Variants in MGAT4C observed in about 807,000 individuals in gnomAD.
The protein encoded by MGAT4C is MGAT4 family member C, also known as alpha-1,3-mannosyl-glycoprotein 4-beta-N-acetylglucosaminyltransferase C.
A neutral mutation model predicts 40.1 loss-of-function variants in MGAT4C; 19 were observed. The observed-to-expected ratio is 0.47, with a 90% CI of 0.33 to 0.70. The LOEUF is 0.70. Among genes scored for constraint, MGAT4C ranks in the 30% least tolerant of loss-of-function variants. The pLI is 0.02. For synonymous variants in MGAT4C, 181 were observed against 187.1 expected, an observed-to-expected ratio of 0.97 and a Z score of 0.27; for missense variants, 491 against 563.2, an observed-to-expected ratio of 0.87 and a Z score of 1.30.
chr12:86,265,067 G>C (rs988096445), intron 4 of MGAT4C, among the ~76,000 whole-genome samples: 1 of 152,134 alleles, frequency 6.6e-6, no homozygotes, highest in Admixed American at 6.5e-5. Context: ...GCCTCACAGG[G>C]AGCCGGCACC....
chr12:86,829,740 G>T (rs1952882458), intron 1 of MGAT4C, among the ~76,000 whole-genome samples: 1 of 150,872 alleles, frequency 6.6e-6, no homozygotes, highest in East Asian at 2.0e-4. Context: ...TTATACTGGA[G>T]AAAGAAAATT....
chr12:86,085,218 T>A (rs970710677), intron 1 of MGAT4C, among the ~76,000 whole-genome samples: 1 of 152,136 alleles, frequency 6.6e-6, no homozygotes, highest in Non-Finnish European at 1.5e-5. Context: ...TTAGATCCCA[T>A]TTGTCAAGTT....
rs535178074 is a variant in MGAT4C at position 86,272,802 on chromosome 12, G to GTGA, written c.-57+61260_-57+61262dup. ...TGGGAGGTCGAAGCTACAGTAAGCA[G>GTGA]TGATCATGCCAACACACTCCAGCCT... On this transcript the variant is annotated intron_variant, in intron 4 of 7. Transcript: ENST00000548651. 1.3e-4 allele frequency among the ~76,000 whole-genome samples: 20 copies of GTGA among 152,190 alleles called. No homozygotes were observed. The South Asian group carries it at 4.1e-3, about 32-fold the overall frequency.
At chr12:86,490,969 C>T (rs1238860270) in intron 2 of MGAT4C, among the ~76,000 whole-genome samples, 1 of 152,056 alleles carries the variant, frequency 6.6e-6, no homozygotes, top group Non-Finnish European at 1.5e-5. Flanking sequence ...TAATGGGAGA[C>T]CTTAACACCC....
At chr12:86,706,143 G>T (rs1950452572) in intron 2 of MGAT4C, among the ~76,000 whole-genome samples, 1 of 152,134 alleles carries the variant, frequency 6.6e-6, no homozygotes, top group Non-Finnish European at 1.5e-5. Flanking sequence ...ATATGTGCTT[G>T]CTGTGATGAT....
Position 86,219,373 on chromosome 12 carries a change from TC to T in MGAT4C, c.-57+36865del, listed in dbSNP as rs1240378186. On this transcript the variant is annotated intron_variant, in intron 1 of 4. Transcript: ENST00000611864. ...AAAATGATGAGGTGACTGTTCTAAA[TC>T]TAAAATTGTTCATAACCTATGTCTG... Among the ~76,000 whole-genome samples the T allele has an allele frequency of 1.7e-4, 26 of 151,094 alleles. 1 individual carries two copies. The South Asian group carries it at 4.8e-3, about 28-fold the overall frequency.
intron 2 of MGAT4C, among the ~76,000 whole-genome samples, chr12:86,491,648 A>C (rs1223607201): frequency 6.6e-6 from 1 of 151,906 alleles, no homozygotes; most frequent in Non-Finnish European, 1.5e-5. Flanking sequence ...ATGTATCTCA[A>C]AATAATAAGA....
chr12:86,146,660 G>A (rs746391236), intron 1 of MGAT4C, among the ~76,000 whole-genome samples: 4 of 151,758 alleles, frequency 2.6e-5, no homozygotes, highest in Non-Finnish European at 5.9e-5. Context: ...TTTCTTGAAA[G>A]CTTCTCTTCC....
chr12:86,276,613 C>G (rs1953087092), intron 4 of MGAT4C, among the ~76,000 whole-genome samples: 1 of 152,128 alleles, frequency 6.6e-6, no homozygotes, highest in Non-Finnish European at 1.5e-5. Context: ...GGAAACCATC[C>G]TTCTACTTTC....
intron 4 of MGAT4C, among the ~76,000 whole-genome samples, chr12:86,331,918 G>C (rs1954678026): frequency 6.6e-6 from 1 of 152,012 alleles, no homozygotes; most frequent in African/African-American, 2.4e-5. Flanking sequence ...AGGTCTAATA[G>C]GTTCCCTACA....
At chr12:86,453,636 G>A (rs1957462484) in intron 2 of MGAT4C, among the ~76,000 whole-genome samples, 1 of 152,042 alleles carries the variant, frequency 6.6e-6, no homozygotes, top group Non-Finnish European at 1.5e-5. Flanking sequence ...ACACTCTTTG[G>A]CTTTTGTCTG....
At chr12:86,410,511 T>A (rs1202641374) in intron 3 of MGAT4C, among the ~76,000 whole-genome samples, 1 of 152,176 alleles carries the variant, frequency 6.6e-6, no homozygotes, top group Non-Finnish European at 1.5e-5. Flanking sequence ...GGTCAGACCT[T>A]TGGTTGTCTT....
chr12:86,205,718 A>T (rs839172), intron 1 of MGAT4C, among the ~76,000 whole-genome samples: 102,731 of 151,756 alleles, frequency 0.68, 35,082 homozygotes, highest in South Asian at 0.76. Flanking sequence ...TTTATAATAA[A>T]TATGGCATAT....
chr12:86,336,965 A>C (rs908708972), intron 3 of MGAT4C, among the ~76,000 whole-genome samples: 3 of 152,212 alleles, frequency 2.0e-5, no homozygotes, highest in African/African-American at 7.2e-5. Context: ...TCTACCTCTC[A>C]TAAGTTGTAT....
chr12:86,329,525 CACCTTCTTCAT>C (rs1954609961), intron 4 of MGAT4C, among the ~76,000 whole-genome samples: 1 of 152,204 alleles, frequency 6.6e-6, no homozygotes, highest in Non-Finnish European at 1.5e-5. Context: ...TCTTACTAAA[CACCTTCTTCAT>C]ACCTTTCCTG....
intron 2 of MGAT4C, among the ~76,000 whole-genome samples, chr12:86,036,541 T>A (rs950387744): frequency 6.7e-6 from 1 of 150,166 alleles, no homozygotes; most frequent in Non-Finnish European, 1.5e-5. Context: ...CTTTTCCTCA[T>A]CTATTGAGAT....
At chr12:86,779,458 C>G (rs1345556888) in intron 1 of MGAT4C, among the ~76,000 whole-genome samples, 1 of 151,844 alleles carries the variant, frequency 6.6e-6, no homozygotes, top group African/African-American at 2.4e-5. Flanking sequence ...AAAAATTAGC[C>G]AGGCATGGTA....
At chr12:86,275,777 C>T (rs976221152) in intron 4 of MGAT4C, among the ~76,000 whole-genome samples, 4 of 151,964 alleles carry the variant, frequency 2.6e-5, no homozygotes, top group African/African-American at 9.7e-5. Flanking sequence ...CAGTGCTGAC[C>T]TGTTTTAGAT....
At chr12:86,467,353 C>A (rs1226231616) in intron 2 of MGAT4C, among the ~76,000 whole-genome samples, 2 of 151,998 alleles carry the variant, frequency 1.3e-5, no homozygotes, top group African/African-American at 4.8e-5. Flanking sequence ...AAATAAAAAG[C>A]CAAAGTTAAA....
Sources: gnomAD v4.1 joint callset for allele counts (sites outside exome capture counted in the v4.1 genomes callset) on GRCh38, gnomAD v4.1.1 for gene constraint, MANE v1.5 for transcripts, NCBI Gene and HGNC (gene_info 2026-07-23, HGNC 2026-07-21) for gene names.